The following GRIA4 variants were observed in gnomAD, a reference collection of about 807,000 sequenced individuals.
The protein encoded by GRIA4 is glutamate receptor 4.
A neutral mutation model predicts 104.0 loss-of-function variants in GRIA4; 34 were observed. The observed-to-expected ratio is 0.33, with a 90% CI of 0.25 to 0.44. The LOEUF (loss-of-function observed/expected upper bound fraction) is 0.44. GRIA4 is among the 20% of genes least tolerant of loss of function. The pLI is 1.00. For missense variants in GRIA4, 750 were observed against 1,096.5 expected, an observed-to-expected ratio of 0.68 and a Z score of 4.46; for synonymous variants, 386 against 381.9, an observed-to-expected ratio of 1.01 and a Z score of -0.13.
At chr11:105,884,464 C>G (rs578231439) in intron 5 of GRIA4, among the ~76,000 whole-genome samples, 1 of 152,290 alleles carries the variant, frequency 6.6e-6, no homozygotes, top group East Asian at 1.9e-4. Context: ...TTACAGGACA[C>G]CACTCAATGG....
intron 3 of GRIA4, among the ~76,000 whole-genome samples, chr11:105,686,619 C>G (rs1288754825): frequency 6.6e-6 from 1 of 152,088 alleles, no homozygotes; most frequent in Non-Finnish European, 1.5e-5. Flanking sequence ...CTAATGGTAG[C>G]TCTGTTTTAA....
chr11:105,638,703 GT>G (rs1428826357), intron 3 of GRIA4, among the ~76,000 whole-genome samples: 1 of 151,926 alleles, frequency 6.6e-6, no homozygotes, highest in South Asian at 2.1e-4. Flanking sequence ...ATTGATCCTA[GT>G]TTTTTACAAT....
intron 4 of GRIA4, among the ~76,000 whole-genome samples, chr11:105,795,467 G>A (rs769605577): frequency 7.2e-5 from 11 of 152,116 alleles, no homozygotes; most frequent in African/African-American, 1.7e-4. Context: ...AGTTTATTAC[G>A]AAAGGAACTA....
intron 14 of GRIA4, among the ~76,000 whole-genome samples, chr11:105,947,196 T>C (rs890637356): frequency 5.3e-5 from 8 of 152,228 alleles, no homozygotes; most frequent in Non-Finnish European, 1.2e-4. Context: ...TTTTAGCTCA[T>C]GGCATATTTT....
intron 3 of GRIA4, among the ~76,000 whole-genome samples, chr11:105,668,730 A>C (rs1253785400): frequency 7.0e-6 from 1 of 142,048 alleles, no homozygotes; most frequent in Non-Finnish European, 1.5e-5. Context: ...GCTGGCGTGC[A>C]GTGGGCTTGC....
intron 6 of GRIA4, among the ~76,000 whole-genome samples, chr11:105,893,036 C>T (rs1423345226): frequency 1.3e-5 from 2 of 152,036 alleles, no homozygotes; most frequent in African/African-American, 4.8e-5. Context: ...ATTTTATTTT[C>T]CCCCAAAAGA....
chr11:105,964,981 A>AT (rs1213473735), intron 14 of GRIA4, among the ~76,000 whole-genome samples: 3 of 151,830 alleles, frequency 2.0e-5, no homozygotes, highest in Non-Finnish European at 4.4e-5. Context: ...TAATTTTTGT[A>AT]TTTTTTGTAG....
chr11:105,878,352 C>A (rs374769845), intron 5 of GRIA4, among the ~76,000 whole-genome samples: 128 of 152,298 alleles, frequency 8.4e-4, no homozygotes, highest in African/African-American at 3.0e-3. Flanking sequence ...TGTCTATTGG[C>A]CCCTACTGGG....
At chr11:105,705,898 T>C (rs893223701) in intron 3 of GRIA4, among the ~76,000 whole-genome samples, 2 of 152,176 alleles carry the variant, frequency 1.3e-5, no homozygotes, top group African/African-American at 4.8e-5. Flanking sequence ...ATGACACTTT[T>C]AGGAATTTAC....
At chr11:105,621,610 T>C (rs1452550589) in intron 3 of GRIA4, among the ~76,000 whole-genome samples, 1 of 151,792 alleles carries the variant, frequency 6.6e-6, no homozygotes, top group Non-Finnish European at 1.5e-5. Context: ...ATGATTAATG[T>C]ATTCAATCTC....
At chr11:105,723,163 CA>C (rs5794422) in intron 3 of GRIA4, among the ~76,000 whole-genome samples, 104,747 of 151,862 alleles carry the variant, frequency 0.69, 36,465 homozygotes, top group African/African-American at 0.79. Flanking sequence ...AGTGAGCAAT[CA>C]ATGAGAAAGG....
chr11:105,970,382 T>A (rs1374295644), intron 14 of GRIA4, among the ~76,000 whole-genome samples: 2 of 152,188 alleles, frequency 1.3e-5, no homozygotes, highest in Non-Finnish European at 2.9e-5. Context: ...AAACATCATT[T>A]TGTGAGTCTT....
chr11:105,867,447 G>C (rs1398310864), intron 5 of GRIA4, among the ~76,000 whole-genome samples: 1 of 152,118 alleles, frequency 6.6e-6, no homozygotes, highest in Non-Finnish European at 1.5e-5. Context: ...TTTATCTAGA[G>C]TTTTCATTTA....
chr11:105,869,259 C>A (rs1160856917), intron 5 of GRIA4, among the ~76,000 whole-genome samples: 1 of 152,080 alleles, frequency 6.6e-6, no homozygotes, highest in Non-Finnish European at 1.5e-5. Context: ...ATCATGAATT[C>A]TACGATTAGG....
At chr11:105,618,341 C>T (rs1950653177) in intron 3 of GRIA4, among the ~76,000 whole-genome samples, 1 of 151,852 alleles carries the variant, frequency 6.6e-6, no homozygotes, top group Non-Finnish European at 1.5e-5. Flanking sequence ...AAAATAGGTA[C>T]AAAAGACCAG....
intron 3 of GRIA4, among the ~76,000 whole-genome samples, chr11:105,709,347 G>C (rs560369434): frequency 6.6e-6 from 1 of 152,228 alleles, no homozygotes; most frequent in African/African-American, 2.4e-5. Flanking sequence ...GAATAATGTA[G>C]AAGGATGGAA....
intron 3 of GRIA4, among the ~76,000 whole-genome samples, chr11:105,695,478 CTGTG>C (rs368292284): frequency 2.7e-3 from 368 of 135,116 alleles, no homozygotes; most frequent in African/African-American, 5.6e-3. Flanking sequence ...GTGTGTGTGT[CTGTG>C]TGTGTGTGTG....
chr11:105,805,977 C>T (rs1363900502), intron 4 of GRIA4, among the ~76,000 whole-genome samples: 2 of 151,674 alleles, frequency 1.3e-5, no homozygotes, highest in South Asian at 4.2e-4. Context: ...AACAAAGAAC[C>T]AAAGCAATCT....
chr11:105,859,963 C>G (rs375088926), intron 4 of GRIA4, among the ~76,000 whole-genome samples: 1 of 151,972 alleles, frequency 6.6e-6, no homozygotes, highest in African/African-American at 2.4e-5. Context: ...CATGTCATCA[C>G]GTTACATATG....
Sources: allele counts gnomAD v4.1 joint callset (sites outside exome capture counted in the v4.1 genomes callset), GRCh38; gene constraint gnomAD v4.1.1; transcripts MANE v1.5; gene names NCBI Gene and HGNC (gene_info 2026-07-23, HGNC 2026-07-21).